ARHGEF11: variants seen among roughly 807,000 people sequenced by gnomAD.
The protein encoded by ARHGEF11 is Rho guanine nucleotide exchange factor 11, also known as Rho guanine exchange factor (GEF) 11.
ARHGEF11 carries 55 observed loss-of-function variants against 193.7 expected under a neutral mutation model. The ratio of observed to expected loss-of-function variants is 0.28; its 90% confidence interval spans 0.23 to 0.36. The LOEUF (loss-of-function observed/expected upper bound fraction) is 0.36. Among genes scored for constraint, ARHGEF11 ranks in the 10% least tolerant of loss-of-function variants. The pLI, the probability that ARHGEF11 is intolerant of heterozygous loss-of-function variation, is 1.00. For synonymous variants in ARHGEF11, 693 were observed against 768.0 expected, an observed-to-expected ratio of 0.90 and a Z score of 1.62; for missense variants, 1,723 against 2,005.6, an observed-to-expected ratio of 0.86 and a Z score of 2.69.
rs1656407530 is a variant in ARHGEF11, at chr1:156,939,834, G to A, written c.3810C>T (p.Pro1270=). Residue 1270 remains proline, a synonymous_variant, in exon 37 of 41, where the codon CCC becomes CCT. Coordinates refer to ENST00000368194, the MANE Select transcript of ARHGEF11 (RefSeq NM_198236.3). ...AAGGTGTGGGTGTCAGGTCGTCCTC[G>A]GGCTCCTGGGCAGCCTGAGTTTCCA... ...HTMETQAAQE[P]EDDLTPTPSV... 1.9e-6 allele frequency: 3 copies of A among 1,612,684 alleles called. No individual in the cohort carries two copies. Among genetic ancestry groups the A allele is most frequent in the Non-Finnish European group, 2.5e-6 (3 of 1,179,910 alleles).
intron 1 of ARHGEF11, among the ~76,000 whole-genome samples, chr1:157,016,043 C>A (rs1337177600): frequency 6.6e-6 from 1 of 151,966 alleles, no homozygotes; most frequent in Non-Finnish European, 1.5e-5. Flanking sequence ...CGTAATGAAA[C>A]AACAAAAGAA....
At chr1:156,998,094 T>C (rs1420376053) in intron 1 of ARHGEF11, among the ~76,000 whole-genome samples, 2 of 152,212 alleles carry the variant, frequency 1.3e-5, no homozygotes, top group African/African-American at 4.8e-5. Context: ...CAAAAGCACC[T>C]TCCACATTGT....
intron 1 of ARHGEF11, among the ~76,000 whole-genome samples, chr1:157,027,835 C>G (rs1262792655): frequency 6.6e-6 from 1 of 152,160 alleles, no homozygotes; most frequent in Non-Finnish European, 1.5e-5. Flanking sequence ...GATGCTTGCT[C>G]TGAGAGCCTT....
chr1:156,993,383 GATAT>G (rs1305972210), intron 1 of ARHGEF11, among the ~76,000 whole-genome samples: 1 of 151,860 alleles, frequency 6.6e-6, no homozygotes, highest in Admixed American at 6.6e-5. Context: ...CATGATTAAA[GATAT>G]ATATAATACA....
At position 156,966,865 on chromosome 1, in the gene ARHGEF11, C is replaced by T. The variant is rs545148703; in HGVS notation, c.963+1122G>A. 7.9e-5 allele frequency among the ~76,000 whole-genome samples: 12 copies of T among 152,252 alleles called. No homozygotes were observed. The East Asian group carries it at 1.7e-3, about 22-fold the overall frequency. On this transcript the variant is annotated intron_variant, in intron 11 of 40. Transcript: ENST00000368194. ...CGGGTTGTTTTAAATTTTATCTCTA[C>T]TTTTTGAGCAAGTTACATCACGTAG...
chr1:156,994,371 C>G (rs1395913990), intron 1 of ARHGEF11, among the ~76,000 whole-genome samples: 1 of 141,936 alleles, frequency 7.0e-6, no homozygotes, highest in African/African-American at 2.6e-5. Flanking sequence ...GTAAAGCCCT[C>G]TGCAAATGGT....
chr1:157,021,454 C>A (rs1669972149), intron 1 of ARHGEF11, among the ~76,000 whole-genome samples: 1 of 152,118 alleles, frequency 6.6e-6, no homozygotes, highest in South Asian at 2.1e-4. Flanking sequence ...ATTTCATTAT[C>A]ACCTCAAATG....
intron 8 of ARHGEF11, among the ~76,000 whole-genome samples, chr1:156,970,891 C>T (rs1169587667): frequency 6.6e-6 from 1 of 152,194 alleles, no homozygotes; most frequent in Admixed American, 6.5e-5. Flanking sequence ...GGTCTAAGTC[C>T]ACAACCTGAG....
At position 156,978,315 on chromosome 1, in the gene ARHGEF11, C is replaced by A. The variant is rs983890727; in HGVS notation, c.399G>T (p.Gln133His). ...SPSSMGISGL[Q>H]QDPSPAGAPR... ...GAGCTCCTGCTGGGGATGGGTCCTG[C>A]TGGAGCCCAGAGATGCCCATGGATG... is the stretch of plus-strand genomic sequence containing the variant. The change falls in exon 6 of 41, where the codon CAG (glutamine) becomes CAT (histidine). Residue 133 changes from glutamine (Q) to histidine (H), a missense_variant. Coordinates refer to ENST00000368194, the MANE Select transcript of ARHGEF11 (RefSeq NM_198236.3). 17 of 1,613,884 alleles carry A rather than the reference C, an allele frequency of 1.1e-5. No individual in the cohort carries two copies. Among genetic ancestry groups the A allele is most frequent in the Non-Finnish European group, 1.4e-5 (16 of 1,179,964 alleles).
chr1:156,952,339 A>T (rs1571214864), intron 21 of ARHGEF11, among the ~76,000 whole-genome samples: 1 of 152,318 alleles, frequency 6.6e-6, no homozygotes, highest in East Asian at 1.9e-4. Flanking sequence ...CAGAGAGGGC[A>T]GATGGTAGAG....
At position 156,966,252 on chromosome 1, in the gene ARHGEF11, A is replaced by C. The variant is rs141083432; in HGVS notation, c.963+1735T>G. 2.3e-3 allele frequency among the ~76,000 whole-genome samples: 346 copies of C among 152,354 alleles called. 3 individuals carry two copies. Among genetic ancestry groups the C allele is most frequent in the Admixed American group, 0.02 (305 of 15,306 alleles). ...CTTCTGAAGACCTCCTCCTGGACTC[A>C]GTGATTAACAGGCTCCCAGAGTCAA... On this transcript the variant is annotated intron_variant, in intron 11 of 40. Coordinates refer to ENST00000368194, the MANE Select transcript of ARHGEF11 (RefSeq NM_198236.3).
chr1:156,959,042 C>T lies in ARHGEF11; in HGVS notation c.1379+4G>A, dbSNP rs780523989. 7.4e-6 allele frequency: 12 copies of T among 1,614,186 alleles called. No individual in the cohort carries two copies. In the South Asian group the frequency reaches 1.2e-4, roughly 16 times the overall value. Reference sequence around the variant, plus strand: ...AGAGGTGGGAGGTCAGCTCCTGGGCCAACCTGTAGTCGTGGATCTGCTCTT... The same window carrying T: ...AGAGGTGGGAGGTCAGCTCCTGGGCTAACCTGTAGTCGTGGATCTGCTCTT... On this transcript the variant is annotated splice_donor_region_variant and intron_variant, in intron 16 of 40. Transcript: ENST00000368194.
At position 156,948,473 on chromosome 1, in the gene ARHGEF11, G is replaced by A. The variant is rs1311012861; in HGVS notation, c.1951C>T (p.Arg651Cys). 1.2e-6 allele frequency: 2 copies of A among 1,614,198 alleles called. No individual in the cohort carries two copies. Among genetic ancestry groups the A allele is most frequent in the Non-Finnish European group, 1.7e-6 (2 of 1,180,028 alleles). The stretch of plus-strand genomic sequence containing the variant: ...TCCCGGCCCTTGAGGCTTTCAGAGC[G>A]GCCCAGGCGAATCTCTGAGCGTGAA... ...DSSRSEIRLG[R>C]SESLKGREEM... is the part of the protein sequence containing the mutation. Residue 651 changes from arginine to cysteine, a missense_variant, in exon 23 of 41, where the codon CGC (arginine) becomes TGC (cysteine). Physicochemically the swap from Arg to Cys is radical, Grantham distance 180. Coordinates refer to ENST00000368194, the MANE Select transcript of ARHGEF11 (RefSeq NM_198236.3). This position sits in a 1 kb window ranked among gnomAD's most constrained non-coding sequence, Gnocchi z 4.2.
At chr1:156,978,716 A>G (rs1663630245) in intron 5 of ARHGEF11, among the ~76,000 whole-genome samples, 2 of 152,326 alleles carry the variant, frequency 1.3e-5, no homozygotes, top group South Asian at 4.1e-4. Context: ...TACTGCCCAC[A>G]TGGCACAGAC....
intron 13 of ARHGEF11, among the ~76,000 whole-genome samples, chr1:156,962,757 T>C (rs150597622): frequency 5.5e-4 from 84 of 151,852 alleles, no homozygotes; most frequent in African/African-American, 1.9e-3. Flanking sequence ...CGGGCGCCTG[T>C]AGTCCCAGCT....
At chr1:156,990,735 G>A (rs1375261785) in intron 1 of ARHGEF11, among the ~76,000 whole-genome samples, 1 of 152,048 alleles carries the variant, frequency 6.6e-6, no homozygotes, top group African/African-American at 2.4e-5. Context: ...TTTGACCAGT[G>A]GGAGCTTCTG....
Position 156,947,854 on chromosome 1 carries a change from A to C in ARHGEF11, c.2256T>G (p.Asp752Glu), listed in dbSNP as rs1421552146. Residue 752 changes from aspartate (D) to glutamate (E), a missense_variant, in exon 25 of 41, where the codon GAT (aspartate) becomes GAG (glutamate). Physicochemically the swap from Asp to Glu is conservative, Grantham distance 45. Coordinates refer to ENST00000368194, the MANE Select transcript of ARHGEF11 (RefSeq NM_198236.3). ...GQLSDLEPEPDAQNWQHTVGK... is the reference protein window; with the variant it reads ...GQLSDLEPEPEAQNWQHTVGK... ...CCACTGTATGCTGCCAATTTTGGGC[A>C]TCTGGCTCTGGCTCCAGGTCAGACA... 2 of 1,614,016 alleles carry C rather than the reference A, an allele frequency of 1.2e-6. No homozygotes were observed. The highest frequency in any genetic ancestry group is 2.7e-5 in the African/African-American group (2 of 74,938).
chr1:156,937,096 G>A (rs1655570226), intron 39 of ARHGEF11, 91 bp from the exon 40 acceptor site: 2 of 1,567,164 alleles, frequency 1.3e-6, no homozygotes, highest in Non-Finnish European at 1.7e-6. Context: ...GGGGAGGAGG[G>A]TGTGATTTAA....
intron 1 of ARHGEF11, among the ~76,000 whole-genome samples, chr1:156,993,585 AG>A (rs1243860460): frequency 3.3e-5 from 5 of 152,174 alleles, no homozygotes; most frequent in African/African-American, 1.2e-4. Context: ...ACACCCTACC[AG>A]GACCTTAGCT....
Sources: allele counts gnomAD v4.1 joint callset (sites outside exome capture counted in the v4.1 genomes callset), GRCh38; gene constraint gnomAD v4.1.1; non-coding constraint Gnocchi (gnomAD v3.1); transcripts MANE v1.5; gene names NCBI Gene and HGNC (gene_info 2026-07-23, HGNC 2026-07-21).